The following DCDC1 variants were observed in gnomAD, a reference collection of about 807,000 sequenced individuals.
DCDC1 encodes doublecortin domain-containing protein 1.
A neutral mutation model predicts 178.3 loss-of-function variants in DCDC1; 200 were observed. That is an observed-to-expected ratio of 1.12 (90% CI 1.00 to 1.26). The LOEUF is 1.26. Ranked by LOEUF, DCDC1 falls within the 50% of genes most tolerant of loss-of-function variation. DCDC1 has a pLI of 0.00. For missense variants in DCDC1, 1,983 were observed against 1,749.2 expected, an observed-to-expected ratio of 1.13 and a Z score of -2.38; for synonymous variants, 690 against 604.8, an observed-to-expected ratio of 1.14 and a Z score of -2.07.
At position 31,108,073 on chromosome 11, in the gene DCDC1, G is replaced by A. The variant is rs185591067; in HGVS notation, c.1588-1113C>T. The stretch of plus-strand genomic sequence containing the variant: ...CACAGGTCTTCCATGCATCTCAGGT[G>A]TCTCACGATTGGCTGTAAACTCTTG... On this transcript the variant is annotated intron_variant, in intron 12 of 38. Transcript: ENST00000684477. Among the ~76,000 whole-genome samples the A allele has an allele frequency of 2.7e-4, 41 of 152,322 alleles. 1 individual carries two copies. The East Asian group carries it at 7.1e-3, about 27-fold the overall frequency.
chr11:31,213,119 CT>C (rs1380036568), intron 9 of DCDC1, among the ~76,000 whole-genome samples: 30 of 117,702 alleles, frequency 2.5e-4, no homozygotes, highest in South Asian at 1.9e-3. Context: ...CTCTCTCTCT[CT>C]CTCTCTCTCT....
At chr11:31,072,891 A>C (rs984110829) in intron 18 of DCDC1, among the ~76,000 whole-genome samples, 1 of 152,168 alleles carries the variant, frequency 6.6e-6, no homozygotes, top group Non-Finnish European at 1.5e-5. Flanking sequence ...TTTGAAGCTT[A>C]AAAAGGTTAA....
Position 30,888,096 on chromosome 11 carries a change from G to A in DCDC1, c.5082+4722C>T, listed in dbSNP as rs868859260. On this transcript the variant is annotated intron_variant, in intron 36 of 38. Coordinates refer to ENST00000684477, the MANE Select transcript of DCDC1 (RefSeq NM_001387274.1). Reference sequence around the variant, plus strand: ...AGAGAGAGAGAGAGAAAGAAAGAAAGAAAAAGAAAGAAAGAAAGAAAGAAA... The same window carrying A: ...AGAGAGAGAGAGAGAAAGAAAGAAAAAAAAAGAAAGAAAGAAAGAAAGAAA... 5.2e-3 allele frequency among the ~76,000 whole-genome samples: 471 copies of A among 90,376 alleles called. 2 individuals are homozygous for A. The highest frequency in any genetic ancestry group is 0.018 in the African/African-American group (424 of 23,868). 59.3% of individuals were successfully genotyped at this position (90,376 alleles called of 152,430 possible). A position where few individuals can be genotyped will look rare whatever the true frequency, so the allele number is the denominator to read the frequency against.
intron 20 of DCDC1, among the ~76,000 whole-genome samples, chr11:31,059,327 A>G (rs948516836): frequency 6.6e-6 from 1 of 152,106 alleles, no homozygotes; most frequent in Non-Finnish European, 1.5e-5. Context: ...CGAAACCTAA[A>G]CAGGCAACAG....
intron 20 of DCDC1, among the ~76,000 whole-genome samples, chr11:30,961,978 G>A (rs547646636): frequency 1.2e-4 from 19 of 152,056 alleles, no homozygotes; most frequent in African/African-American, 3.9e-4. Flanking sequence ...TAGATGCACC[G>A]CTGAAACCTG....
chr11:31,189,518 T>C (rs1039444890), intron 9 of DCDC1, among the ~76,000 whole-genome samples: 2 of 152,158 alleles, frequency 1.3e-5, no homozygotes, highest in African/African-American at 4.8e-5. Context: ...CTCAAAACCA[T>C]GCAAATTAAT....
intron 6 of DCDC1, among the ~76,000 whole-genome samples, chr11:31,293,301 T>G (rs1947364853): frequency 6.6e-6 from 1 of 152,010 alleles, no homozygotes; most frequent in Non-Finnish European, 1.5e-5. Flanking sequence ...GTTATGTAAG[T>G]GACAGAAAAG....
At chr11:31,154,884 T>G (rs1015729588) in intron 9 of DCDC1, among the ~76,000 whole-genome samples, 1 of 152,228 alleles carries the variant, frequency 6.6e-6, no homozygotes, top group East Asian at 1.9e-4. Flanking sequence ...CTAATGTGGA[T>G]GCATTACTAT....
chr11:30,888,098 AAAAGAAAGAAAGAAAGAAAGAAAGAAAG>A (rs59770180), intron 36 of DCDC1, among the ~76,000 whole-genome samples: 7 of 105,426 alleles, frequency 6.6e-5, no homozygotes, highest in Non-Finnish European at 1.1e-4. Context: ...GAAAGAAAGA[AAAAGAAAGAAAGAAAGAAAGAAAGAAAG>A]AAAGAAAGAA....
At chr11:30,916,710 AT>A (rs1165054382) in intron 26 of DCDC1, among the ~76,000 whole-genome samples, 159 bp downstream of exon 26, 1 of 152,210 alleles carries the variant, frequency 6.6e-6, no homozygotes, top group Non-Finnish European at 1.5e-5. Context: ...TTCCCGCAAA[AT>A]TTTGTAAATA....
In DCDC1 at chr11:31,032,643, A is replaced by G. The variant is rs372054669; in HGVS notation, c.2591+31826T>C. Among the ~76,000 whole-genome samples the G allele has an allele frequency of 7.2e-5, 11 of 152,316 alleles. No homozygotes were observed. The East Asian group carries it at 2.1e-3, about 29-fold the overall frequency. ...AGGTGTAATTGAGGTAACCATACAA[A>G]TAACAGGCATACAAACAACAAATGG... is the stretch of plus-strand genomic sequence containing the variant. On this transcript the variant is annotated intron_variant, in intron 20 of 38. Transcript: ENST00000684477.
chr11:31,079,485 G>C (rs772191969), intron 17 of DCDC1, among the ~76,000 whole-genome samples: 1 of 152,184 alleles, frequency 6.6e-6, no homozygotes, highest in African/African-American at 2.4e-5. Flanking sequence ...CAACGAGGGG[G>C]TCATGAGAAT....
At chr11:31,229,492 T>TG (rs1299888591) in intron 9 of DCDC1, among the ~76,000 whole-genome samples, 1 of 152,144 alleles carries the variant, frequency 6.6e-6, no homozygotes, top group East Asian at 1.9e-4. Context: ...ATTCACTATA[T>TG]TAACAGTAAA....
chr11:31,341,382 TATAGATAGATAGATAG>T (rs10552471), intron 1 of DCDC1, among the ~76,000 whole-genome samples: 127 of 134,792 alleles, frequency 9.4e-4, no homozygotes, highest in Middle Eastern at 3.8e-3. Context: ...ATTCCAGTTT[TATAGATAGATAGATAG>T]ATAGATAGAT....
chr11:31,312,252 T>A (rs530879479), intron 3 of DCDC1, among the ~76,000 whole-genome samples: 2 of 152,182 alleles, frequency 1.3e-5, no homozygotes, highest in Non-Finnish European at 2.9e-5. Context: ...AATGCCTACA[T>A]AGCATTTATG....
chr11:31,282,436 T>C (rs185499614), intron 7 of DCDC1, among the ~76,000 whole-genome samples: 31 of 151,690 alleles, frequency 2.0e-4, no homozygotes, highest in Admixed American at 3.9e-4. Context: ...ATTTTAAATA[T>C]AATCAATTAA....
chr11:31,054,184 C>A (rs1452474862), intron 20 of DCDC1, among the ~76,000 whole-genome samples: 1 of 147,226 alleles, frequency 6.8e-6, no homozygotes, highest in Non-Finnish European at 1.5e-5. Context: ...CAACAGTGAC[C>A]AAGCAGAGAA....
chr11:31,280,890 G>A (rs531537156), intron 7 of DCDC1: 4 of 641,060 alleles, frequency 6.2e-6, no homozygotes, highest in Admixed American at 5.5e-5. Flanking sequence ...AGACCATGGA[G>A]ATTAGGCCCA....
intron 9 of DCDC1, among the ~76,000 whole-genome samples, chr11:31,145,810 G>GT (rs2136059735): frequency 6.6e-6 from 1 of 152,254 alleles, no homozygotes; most frequent in Non-Finnish European, 1.5e-5. Context: ...TCTCAATTTG[G>GT]TAAGTGCCAG....
Sources: gnomAD v4.1 joint callset for allele counts (sites outside exome capture counted in the v4.1 genomes callset) on GRCh38, gnomAD v4.1.1 for gene constraint, MANE v1.5 for transcripts, NCBI Gene and HGNC (gene_info 2026-07-23, HGNC 2026-07-21) for gene names.